GNAO1: variants seen among roughly 807,000 people sequenced by gnomAD.
GNAO1 encodes the protein guanine nucleotide-binding protein G(o) subunit alpha.
For synonymous variants in GNAO1, 164 were observed against 180.7 expected (o/e 0.91, Z 0.74); for missense variants, 166 against 478.7 (o/e 0.35, Z 6.10).
intron 2 of GNAO1, among the ~76,000 whole-genome samples, chr16:56,234,281 G>A (rs1170438705): frequency 6.6e-6 from 1 of 152,240 alleles, no homozygotes; most frequent in African/African-American, 2.4e-5. Context: ...AATGCCAAAG[G>A]CCTAAGCAAA....
intron 2 of GNAO1, among the ~76,000 whole-genome samples, chr16:56,202,722 C>A (rs1455788424): frequency 6.6e-6 from 1 of 152,212 alleles, no homozygotes; most frequent in Non-Finnish European, 1.5e-5. Context: ...CTTAGCATTT[C>A]TTTTCTCTGT....
At chr16:56,201,109 C>G (rs2036278467) in intron 2 of GNAO1, among the ~76,000 whole-genome samples, 1 of 152,120 alleles carries the variant, frequency 6.6e-6, no homozygotes, top group South Asian at 2.1e-4. Flanking sequence ...CTGGAGGGAG[C>G]TACACAAAAA....
intron 5 of GNAO1, among the ~76,000 whole-genome samples, chr16:56,335,852 G>A (rs1167791837): frequency 3.3e-5 from 5 of 152,184 alleles, no homozygotes; most frequent in African/African-American, 1.2e-4. Context: ...TGGGGAGGTG[G>A]GATCCAGGGG....
chr16:56,343,915 A>G (rs757621484), intron 6 of GNAO1: 1 of 1,614,130 alleles, frequency 6.2e-7, no homozygotes, highest in Non-Finnish European at 8.5e-7. Flanking sequence ...GGACGTCATC[A>G]TCGCCAAAAA....
intron 2 of GNAO1, among the ~76,000 whole-genome samples, chr16:56,236,573 C>T (rs143354195): frequency 1.9e-4 from 29 of 152,218 alleles, no homozygotes; most frequent in African/African-American, 6.7e-4. Context: ...TCTTAGGTCA[C>T]CCTGCAAAAA....
At chr16:56,312,586 C>T (rs958155114) in intron 3 of GNAO1, among the ~76,000 whole-genome samples, 2 of 152,270 alleles carry the variant, frequency 1.3e-5, no homozygotes, top group Admixed American at 6.5e-5. Flanking sequence ...TGACAACCTT[C>T]CTGCCACCAC....
chr16:56,300,032 TGTGTGC>T (rs1230796421), intron 3 of GNAO1, among the ~76,000 whole-genome samples: 17 of 134,892 alleles, frequency 1.3e-4, no homozygotes, highest in East Asian at 2.7e-4. Flanking sequence ...TGTGTGTGTG[TGTGTGC>T]GCGCGCGCGC....
chr16:56,295,962 C>T (rs764739096), intron 3 of GNAO1, among the ~76,000 whole-genome samples: 5 of 152,240 alleles, frequency 3.3e-5, no homozygotes, highest in African/African-American at 4.8e-5. Context: ...ATTCTCTTCC[C>T]GTACCTTCCA....
intron 3 of GNAO1, among the ~76,000 whole-genome samples, chr16:56,320,783 A>G (rs1188114796): frequency 6.6e-6 from 1 of 152,192 alleles, no homozygotes; most frequent in Admixed American, 6.5e-5. Flanking sequence ...CACACAGCAG[A>G]GAGCCCCCTC....
intron 2 of GNAO1, among the ~76,000 whole-genome samples, chr16:56,234,157 G>A (rs1223910444): frequency 6.6e-6 from 1 of 152,250 alleles, no homozygotes; most frequent in East Asian, 1.9e-4. Flanking sequence ...GACTGTGAGT[G>A]GCCCTAGGTG....
At chr16:56,255,791 CA>C (rs1221941278) in intron 2 of GNAO1, among the ~76,000 whole-genome samples, 5 of 152,096 alleles carry the variant, frequency 3.3e-5, no homozygotes, top group African/African-American at 1.2e-4. Flanking sequence ...ATCTGTCCTC[CA>C]TGTCTGTTAT....
At chr16:56,289,413 G>A (rs1050463290) in intron 3 of GNAO1, among the ~76,000 whole-genome samples, 7 of 152,208 alleles carry the variant, frequency 4.6e-5, no homozygotes, top group Admixed American at 2.6e-4. Context: ...GGTGGGGATG[G>A]GGACACCGGT....
intron 2 of GNAO1, among the ~76,000 whole-genome samples, chr16:56,258,196 A>C (rs2036870491): frequency 6.6e-6 from 1 of 152,168 alleles, no homozygotes; most frequent in South Asian, 2.1e-4. Context: ...AAACAGAGCC[A>C]CTACCAGGCT....
chr16:56,277,905 C>G (rs1261766751), intron 3 of GNAO1, among the ~76,000 whole-genome samples: 1 of 151,908 alleles, frequency 6.6e-6, no homozygotes, highest in Non-Finnish European at 1.5e-5. Context: ...CTAAAAATCT[C>G]CTATACTGAT....
chr16:56,244,510 A>G (rs981510208), intron 2 of GNAO1, among the ~76,000 whole-genome samples: 5 of 152,132 alleles, frequency 3.3e-5, no homozygotes, highest in Admixed American at 2.0e-4. Flanking sequence ...GCAGTCACGT[A>G]TCTGACTCTG....
intron 2 of GNAO1, among the ~76,000 whole-genome samples, chr16:56,206,339 A>T (rs2036328195): frequency 6.6e-6 from 1 of 151,736 alleles, no homozygotes; most frequent in South Asian, 2.1e-4. Flanking sequence ...AAAAAAAAAA[A>T]AAAAAAGAGG....
At chr16:56,221,651 CAAAAAA>C (rs11306838) in intron 2 of GNAO1, among the ~76,000 whole-genome samples, 92 of 83,868 alleles carry the variant, frequency 1.1e-3, no homozygotes, top group African/African-American at 3.5e-3. Context: ...GACTGCATCT[CAAAAAA>C]AAAAAAAAAA....
At chr16:56,353,286 C>T (rs2037940836) in intron 7 of GNAO1, 1 of 152,300 alleles carries the variant, frequency 6.6e-6, no homozygotes, top group Non-Finnish European at 1.5e-5. Context: ...ACGGCTCTTT[C>T]TTGCCCAGTG....
chr16:56,330,338 G>T lies in GNAO1; in HGVS notation c.464+1547G>T, dbSNP rs80264691. Among the ~76,000 whole-genome samples, 505 of 152,266 alleles carry T rather than the reference G, an allele frequency of 3.3e-3. 2 individuals carry two copies. Among genetic ancestry groups the T allele is most frequent in the African/African-American group, 0.011 (455 of 41,560 alleles). ...CTCCCTGTCCCTGCCCTGGAGTCCA[G>T]GGCCTCCTCCCCGAGGGCCAGCAAG... is the stretch of plus-strand genomic sequence containing the variant. On this transcript the variant is annotated intron_variant, in intron 4 of 8. Coordinates refer to ENST00000262493, the MANE Select transcript of GNAO1 (RefSeq NM_020988.3).
Sources: gnomAD v4.1 joint callset for allele counts (sites outside exome capture counted in the v4.1 genomes callset) on GRCh38, gnomAD v4.1.1 for gene constraint, MANE v1.5 for transcripts, NCBI Gene and HGNC (gene_info 2026-07-23, HGNC 2026-07-21) for gene names.